Variants in KDM7A observed in about 807,000 individuals in gnomAD.
The protein encoded by KDM7A is lysine demethylase 7A.
KDM7A carries 28 observed loss-of-function variants against 114.8 expected under a neutral mutation model. That is an observed-to-expected ratio of 0.24 (90% CI 0.18 to 0.33). The LOEUF is 0.33. Ranked by LOEUF, KDM7A falls within the 10% of genes least tolerant of loss-of-function variation. The pLI is 1.00. For missense variants in KDM7A, 942 were observed against 1,142.5 expected (o/e 0.82, Z 2.53); for synonymous variants, 423 against 397.8 (o/e 1.06, Z -0.75).
intron 3 of KDM7A, among the ~76,000 whole-genome samples, chr7:140,133,099 T>C (rs1218911702): frequency 6.6e-6 from 1 of 152,198 alleles, no homozygotes; most frequent in African/African-American, 2.4e-5. Flanking sequence ...TTGTGTGTGC[T>C]TCTGGTGGAT....
chr7:140,176,883 C>T lies in KDM7A; in HGVS notation c.55G>A (p.Ala19Thr). Residue 19 changes from alanine to threonine, a missense_variant, in exon 1 of 20, where the codon GCA (alanine) becomes ACA (threonine). Coordinates refer to ENST00000397560, the MANE Select transcript of KDM7A (RefSeq NM_030647.2). The surrounding 1 kb of genome is among the most constrained non-coding windows in gnomAD (Gnocchi z 4.4). Reference protein sequence around the residue: ...AAGAAAGAAAAAVSVAAPGRA... With the variant: ...AAGAAAGAAATAVSVAAPGRA... ...CCGGGAGCCGCCACCGACACGGCTGCCGCGGCGGCTCCAGCTGCTGCTCCC... is the reference window on the plus strand; with the variant it reads ...CCGGGAGCCGCCACCGACACGGCTGTCGCGGCGGCTCCAGCTGCTGCTCCC... 4.1e-6 allele frequency: 5 copies of T among 1,210,464 alleles called. No homozygotes were observed. Among genetic ancestry groups the T allele is most frequent in the Non-Finnish European group, 5.2e-6 (5 of 963,036 alleles). The allele number at this position is 1,210,464 out of a possible 1,614,324, so 75.0% of individuals were successfully genotyped here.
At chr7:140,150,269 A>C (rs902415702) in intron 1 of KDM7A, among the ~76,000 whole-genome samples, 10 of 152,346 alleles carry the variant, frequency 6.6e-5, no homozygotes, top group Admixed American at 5.2e-4. Context: ...AACATTATAC[A>C]AAAACTTGTT....
chr7:140,116,704 A>G (rs1818536397), intron 9 of KDM7A, among the ~76,000 whole-genome samples: 1 of 147,698 alleles, frequency 6.8e-6, no homozygotes, highest in Non-Finnish European at 1.5e-5. Context: ...AACATAATAA[A>G]GTAAATATAA....
intron 1 of KDM7A, among the ~76,000 whole-genome samples, chr7:140,175,563 G>A (rs929556981): frequency 2.6e-5 from 4 of 152,242 alleles, no homozygotes; most frequent in African/African-American, 4.8e-5. Context: ...GACTTTGGGA[G>A]CCCAACCCCA....
intron 19 of KDM7A, among the ~76,000 whole-genome samples, chr7:140,091,442 A>G (rs918488721): frequency 6.6e-6 from 1 of 152,088 alleles, no homozygotes; most frequent in African/African-American, 2.4e-5. Flanking sequence ...CCTGCATTAC[A>G]CTATGCTTAG....
Position 140,097,548 on chromosome 7 carries a change from T to C in KDM7A, c.2013A>G (p.Ala671=). 6.5e-7 allele frequency: 1 copy of C among 1,548,716 alleles called. No individual in the cohort carries two copies. The highest frequency in any genetic ancestry group is 8.9e-7 in the Non-Finnish European group (1 of 1,121,036). Residue 671 remains alanine (A), a synonymous_variant, in exon 15 of 20, where the codon GCA becomes GCG. Transcript: ENST00000397560. The part of the protein sequence containing the change: ...ESEDSGPECT[A]LKSIFTTEES... Reference sequence around the variant, plus strand: ...AGCCATGGGGTCTCAGGCGTACCAGTGCAGTGCACTCGGGTCCGGAGTCTT... The same window carrying C: ...AGCCATGGGGTCTCAGGCGTACCAGCGCAGTGCACTCGGGTCCGGAGTCTT...
chr7:140,176,882 G>GCCGCGGCGGCTCCAGCTGCTGCTC lies in KDM7A; in HGVS notation c.32_55dup (p.Gly11_Ala18dup). On this transcript the variant is annotated inframe_insertion, in exon 1 of 20. Coordinates refer to ENST00000397560, the MANE Select transcript of KDM7A (RefSeq NM_030647.2). The surrounding 1 kb of genome is among the most constrained non-coding windows in gnomAD (Gnocchi z 4.4). ...GCCGGGAGCCGCCACCGACACGGCT[G>GCCGCGGCGGCTCCAGCTGCTGCTC]CCGCGGCGGCTCCAGCTGCTGCTCC... is the stretch of plus-strand genomic sequence containing the variant. 1 of 1,210,602 alleles carries GCCGCGGCGGCTCCAGCTGCTGCTC rather than the reference G, an allele frequency of 8.3e-7. No individual in the cohort carries two copies. Among genetic ancestry groups the GCCGCGGCGGCTCCAGCTGCTGCTC allele is most frequent in the Non-Finnish European group, 1.0e-6 (1 of 963,144 alleles). 75.0% of individuals were successfully genotyped at this position (1,210,602 alleles called of 1,614,324 possible).
intron 6 of KDM7A, among the ~76,000 whole-genome samples, chr7:140,126,199 C>T (rs965508482): frequency 6.6e-6 from 1 of 152,194 alleles, no homozygotes; most frequent in African/African-American, 2.4e-5. Context: ...GTGTAAGCCA[C>T]TACACCCAGC....
rs200346176 is a variant in KDM7A, at chr7:140,127,428, C to T, written c.701+14G>A. 169 of 1,608,294 alleles carry T rather than the reference C, an allele frequency of 1.1e-4. No individual in the cohort carries two copies. The highest frequency in any genetic ancestry group is 1.4e-4 in the Non-Finnish European group (161 of 1,177,246). On this transcript the variant is annotated intron_variant, in intron 5 of 19. Transcript: ENST00000397560. ...CACTCAGAATGCTAAACCAAAATAC[C>T]CAGAACTACTCACTTTGTATCTGAA...
At chr7:140,136,413 A>G (rs1818870909) in intron 2 of KDM7A, among the ~76,000 whole-genome samples, 1 of 152,224 alleles carries the variant, frequency 6.6e-6, no homozygotes, top group Non-Finnish European at 1.5e-5. Flanking sequence ...ATCAGCCACT[A>G]TGTAACAGCT....
intron 1 of KDM7A, among the ~76,000 whole-genome samples, chr7:140,143,891 T>C (rs762737429): frequency 3.3e-5 from 5 of 152,218 alleles, no homozygotes; most frequent in East Asian, 1.9e-4. Flanking sequence ...ACTTTTCCCA[T>C]AGAAAGCAAA....
chr7:140,102,280 CAA>C (rs1439795931), intron 11 of KDM7A, 120 bp from the exon 12 acceptor site: 2 of 712,290 alleles, frequency 2.8e-6, no homozygotes, highest in African/African-American at 1.8e-5. Context: ...CATATAAACA[CAA>C]AAAAGACTAA....
chr7:140,100,663 T>TATATATATATATATACAC (rs1562945817), intron 12 of KDM7A, among the ~76,000 whole-genome samples: 5 of 38,302 alleles, frequency 1.3e-4, no homozygotes, highest in Admixed American at 6.5e-4. Flanking sequence ...TAAAAAGTTA[T>TATATATATATATATACAC]ATATATATAT....
intron 1 of KDM7A, among the ~76,000 whole-genome samples, chr7:140,173,131 G>A (rs1794665463): frequency 1.3e-5 from 2 of 152,122 alleles, no homozygotes; most frequent in African/African-American, 4.8e-5. Context: ...TAAGGGAGCG[G>A]GGCCTTATCA....
intron 7 of KDM7A, 68 bp from the exon 8 acceptor site, chr7:140,120,597 C>A (rs1259737522): frequency 2.3e-6 from 2 of 866,052 alleles, no homozygotes; most frequent in African/African-American, 1.7e-5. Context: ...AGGATATCTA[C>A]CTGTGAAGTA....
At chr7:140,106,289 A>G (rs535891330) in intron 11 of KDM7A, among the ~76,000 whole-genome samples, 1 of 151,958 alleles carries the variant, frequency 6.6e-6, no homozygotes, top group South Asian at 2.1e-4. Context: ...TATCTCCTTC[A>G]GTTCTGCTCT....
At chr7:140,109,206 C>T (rs946132795) in intron 11 of KDM7A, among the ~76,000 whole-genome samples, 1 of 152,238 alleles carries the variant, frequency 6.6e-6, no homozygotes, top group Non-Finnish European at 1.5e-5. Context: ...CTCCCCGACC[C>T]CTTGCACTTC....
At chr7:140,122,385 T>TTGAAGAATCATAAATGTCA (rs1818630150) in intron 7 of KDM7A, among the ~76,000 whole-genome samples, 1 of 152,218 alleles carries the variant, frequency 6.6e-6, no homozygotes, top group South Asian at 2.1e-4. Context: ...AATTTATGAT[T>TTGAAGAATCATAAATGTCA]ATATTAGAAA....
rs1438332008 is a variant in KDM7A at position 140,176,086 on chromosome 7, G to C, written c.194+658C>G. 6.6e-6 allele frequency among the ~76,000 whole-genome samples: 1 copy of C among 151,854 alleles called. No homozygotes were observed. Among genetic ancestry groups the C allele is most frequent in the Non-Finnish European group, 1.5e-5 (1 of 67,918 alleles). On this transcript the variant is annotated intron_variant, in intron 1 of 19. Transcript: ENST00000397560. The surrounding 1 kb of genome is among the most constrained non-coding windows in gnomAD (Gnocchi z 4.4). ...CCCGGCACCTTTCAAGTCCCCGAGA[G>C]CGAGTGCCTCATCTGTTGCTCTGTT...
Sources: gnomAD v4.1 joint callset for allele counts (sites outside exome capture counted in the v4.1 genomes callset) on GRCh38, gnomAD v4.1.1 for gene constraint, Gnocchi (gnomAD v3.1) non-coding constraint, MANE v1.5 for transcripts, NCBI Gene and HGNC (gene_info 2026-07-23, HGNC 2026-07-21) for gene names.